The following TBC1D30 variants were observed in gnomAD, a reference collection of about 807,000 sequenced individuals.
TBC1D30 encodes the protein TBC1 domain family, member 30.
A neutral mutation model predicts 63.2 loss-of-function variants in TBC1D30; 31 were observed. The observed-to-expected ratio is 0.49, with a 90% CI of 0.37 to 0.66. TBC1D30 has a LOEUF of 0.66. Ranked by LOEUF, TBC1D30 falls within the 30% of genes least tolerant of loss-of-function variation. The pLI is 0.00. For synonymous variants in TBC1D30, 307 were observed against 361.5 expected (o/e 0.85, Z 1.71); for missense variants, 810 against 953.6 (o/e 0.85, Z 1.98).
intron 8 of TBC1D30, among the ~76,000 whole-genome samples, chr12:64,853,166 T>C (rs1877018458): frequency 1.3e-5 from 2 of 152,206 alleles, no homozygotes; most frequent in Non-Finnish European, 2.9e-5. Flanking sequence ...GGCTGCTGCC[T>C]TTCTTTCAGA....
At chr12:64,783,202 A>G (rs1208587512) in intron 1 of TBC1D30, among the ~76,000 whole-genome samples, 1 of 152,006 alleles carries the variant, frequency 6.6e-6, no homozygotes, top group Non-Finnish European at 1.5e-5. Flanking sequence ...GTGAGGCACC[A>G]GAATGGTTTC....
rs995762285 is a variant in TBC1D30 at position 64,773,747 on chromosome 12, A to T, written c.-375-12134A>T. Among the ~76,000 whole-genome samples the T allele has an allele frequency of 3.3e-5, 5 of 152,356 alleles. No individual in the cohort carries two copies. In the South Asian group the frequency reaches 1.0e-3, roughly 32 times the overall value. ...AGCAAACCACAGCAGCCCTACAGAAAAGTGATCAAGCTGTTAAAACAAAAA... is the reference window on the plus strand; with the variant it reads ...AGCAAACCACAGCAGCCCTACAGAATAGTGATCAAGCTGTTAAAACAAAAA... On this transcript the variant is annotated intron_variant, in intron 1 of 13. Transcript: ENST00000674237.
At position 64,802,653 on chromosome 12, in the gene TBC1D30, C is replaced by T. The variant is rs563843670; in HGVS notation, c.643+16608C>T. Among the ~76,000 whole-genome samples the T allele has an allele frequency of 2.0e-5, 3 of 152,212 alleles. No individual in the cohort carries two copies. In the East Asian group the frequency reaches 5.8e-4, roughly 29 times the overall value. On this transcript the variant is annotated intron_variant, in intron 2 of 12. Coordinates refer to the TBC1D30 transcript ENST00000542120. ...CTAATGCTATCCCTCCCCCGTCCCC[C>T]ACCGCATGACAGGCCCCGGTGTGTG...
At chr12:64,816,127 G>A (rs769964498) in intron 2 of TBC1D30, among the ~76,000 whole-genome samples, 24 of 151,930 alleles carry the variant, frequency 1.6e-4, no homozygotes, top group Non-Finnish European at 2.5e-4. Context: ...CCGTCTCCTG[G>A]GTTCAAGCGA....
chr12:64,780,017 T>C (rs1489989993), upstream of TBC1D30, among the ~76,000 whole-genome samples: 1 of 152,234 alleles, frequency 6.6e-6, no homozygotes, highest in Admixed American at 6.5e-5. Flanking sequence ...TTGTAAATTT[T>C]TGATTCTACC....
intron 2 of TBC1D30, among the ~76,000 whole-genome samples, chr12:64,804,732 G>A (rs1872766205): frequency 6.6e-6 from 1 of 152,162 alleles, no homozygotes; most frequent in South Asian, 2.1e-4. Flanking sequence ...AACCACTTGA[G>A]GTTTTTGGGG....
intron 10 of TBC1D30, chr12:64,868,745 A>C: frequency 5.1e-6 from 1 of 195,592 alleles, no homozygotes; most frequent in Non-Finnish European, 1.0e-5. Flanking sequence ...AAAAACCAGA[A>C]CAAGTCTACT....
chr12:64,844,923 A>G (rs905089882), intron 8 of TBC1D30, among the ~76,000 whole-genome samples: 1 of 152,144 alleles, frequency 6.6e-6, no homozygotes, highest in Non-Finnish European at 1.5e-5. Flanking sequence ...ATTTCCATCC[A>G]TGTTGTTGCA....
Position 64,825,002 on chromosome 12 carries a change from C to T in TBC1D30, c.123C>T (p.Thr41=). The part of the protein sequence containing the change: ...VLKKRSCISR[T]APRLLCTLEP... The stretch of plus-strand genomic sequence containing the variant: ...AGAAGCGCAGCTGCATTTCCCGGAC[C>T]GCGCCCCGGCTGCTGTGCACCCTGG... The change falls in exon 1 of 12, where the codon ACC becomes ACT. Residue 41 remains threonine (T), a synonymous_variant. Transcript: ENST00000539867. 3 of 1,534,018 alleles carry T rather than the reference C, an allele frequency of 2.0e-6. No individual in the cohort carries two copies. Among genetic ancestry groups the T allele is most frequent in the African/African-American group, 1.4e-5 (1 of 73,070 alleles).
At chr12:64,820,731 G>A (rs985554078), upstream of TBC1D30, among the ~76,000 whole-genome samples, 7 of 152,154 alleles carry the variant, frequency 4.6e-5, no homozygotes, top group South Asian at 2.1e-4. Context: ...CATCTTTCAC[G>A]TTTGTAAAAC....
chr12:64,760,750 C>T (rs1047199056), intron 1 of TBC1D30, among the ~76,000 whole-genome samples: 1 of 149,938 alleles, frequency 6.7e-6, no homozygotes, highest in Admixed American at 6.6e-5. Context: ...AAAAAAAACT[C>T]GTGAAAACAC....
intron 2 of TBC1D30, among the ~76,000 whole-genome samples, chr12:64,811,849 A>C (rs1361812085): frequency 6.6e-6 from 1 of 152,212 alleles, no homozygotes; most frequent in Non-Finnish European, 1.5e-5. Flanking sequence ...TTGGTAACTT[A>C]AATGGGGGCT....
intron 8 of TBC1D30, among the ~76,000 whole-genome samples, chr12:64,857,102 G>C (rs1264220150): frequency 6.6e-6 from 1 of 152,054 alleles, no homozygotes; most frequent in Non-Finnish European, 1.5e-5. Flanking sequence ...TGGCTGAGCT[G>C]GTATCTAGGG....
intron 4 of TBC1D30, 21 bp downstream of exon 4, chr12:64,830,523 C>T: frequency 6.6e-7 from 1 of 1,514,824 alleles, no homozygotes; most frequent in Non-Finnish European, 8.8e-7. Flanking sequence ...TGAACTTGGC[C>T]TGTCATCCTA....
At chr12:64,864,561 T>G in intron 8 of TBC1D30, 107 bp from the exon 9 acceptor site, 1 of 725,922 alleles carries the variant, frequency 1.4e-6, no homozygotes, top group Non-Finnish European at 2.4e-6. Flanking sequence ...AGGAGCAGTA[T>G]CTGCCTCTTC....
At chr12:64,859,726 T>G (rs1877616135) in intron 8 of TBC1D30, among the ~76,000 whole-genome samples, 1 of 152,088 alleles carries the variant, frequency 6.6e-6, no homozygotes, top group Non-Finnish European at 1.5e-5. Context: ...ATAGGTTGCT[T>G]TGGAGGTGTA....
intron 7 of TBC1D30, among the ~76,000 whole-genome samples, chr12:64,842,328 C>T (rs548162600): frequency 4.4e-4 from 67 of 152,278 alleles, no homozygotes; most frequent in African/African-American, 1.6e-3. Flanking sequence ...CACTGTGCTT[C>T]AGCCTGGGCA....
intron 7 of TBC1D30, among the ~76,000 whole-genome samples, chr12:64,839,744 C>T (rs749674942): frequency 3.3e-5 from 5 of 152,072 alleles, no homozygotes; most frequent in East Asian, 1.9e-4. Flanking sequence ...CGGTAGCTCA[C>T]GCCTATAATC....
chr12:64,791,904 A>G (rs975512988), intron 2 of TBC1D30, among the ~76,000 whole-genome samples: 1 of 152,036 alleles, frequency 6.6e-6, no homozygotes, highest in African/African-American at 2.4e-5. Context: ...GTTTTAAATT[A>G]TCGATCCAGC....
Sources: allele counts gnomAD v4.1 joint callset (sites outside exome capture counted in the v4.1 genomes callset), GRCh38; gene constraint gnomAD v4.1.1; transcripts MANE v1.5; gene names NCBI Gene and HGNC (gene_info 2026-07-23, HGNC 2026-07-21).